The following EPHA5 variants were observed in gnomAD, a reference collection of about 807,000 sequenced individuals.
EPHA5 encodes the protein EPH receptor A5.
A neutral mutation model predicts 105.0 loss-of-function variants in EPHA5; 60 were observed. The observed-to-expected ratio is 0.57, with a 90% confidence interval of 0.46 to 0.71. The LOEUF (loss-of-function observed/expected upper bound fraction) is 0.71, where lower values mean the gene tolerates loss of function less well. Ranked by LOEUF, EPHA5 falls within the 30% of genes least tolerant of loss-of-function variation. The probability of loss-of-function intolerance (pLI) is 0.00; values close to 1 mark genes in which losing one functional copy is unlikely to be tolerated. For synonymous variants in EPHA5, 513 were observed against 449.1 expected (o/e 1.14, Z -1.80); for missense variants, 1,218 against 1,274.7 (o/e 0.96, Z 0.68).
At chr4:65,461,785 C>T (rs909419576) in intron 5 of EPHA5, among the ~76,000 whole-genome samples, 1 of 151,748 alleles carries the variant, frequency 6.6e-6, no homozygotes, top group Non-Finnish European at 1.5e-5. Flanking sequence ...ATGATGTATC[C>T]AAAGAGCTGT....
chr4:65,430,472 T>C (rs2149061486), intron 5 of EPHA5, among the ~76,000 whole-genome samples: 1 of 152,180 alleles, frequency 6.6e-6, no homozygotes, highest in South Asian at 2.1e-4. Context: ...TATGAATACA[T>C]AGATAATGAG....
intron 3 of EPHA5, among the ~76,000 whole-genome samples, chr4:65,540,033 T>C (rs1736667770): frequency 6.6e-6 from 1 of 151,490 alleles, no homozygotes; most frequent in African/African-American, 2.4e-5. Flanking sequence ...ATGATTCTTC[T>C]ACAAGGATGT....
intron 5 of EPHA5, among the ~76,000 whole-genome samples, chr4:65,483,168 TG>T (rs1250227303): frequency 6.6e-6 from 1 of 152,196 alleles, no homozygotes; most frequent in African/African-American, 2.4e-5. Context: ...GCTTCATCCA[TG>T]TCCCTACAAA....
intron 5 of EPHA5, among the ~76,000 whole-genome samples, chr4:65,478,004 C>T (rs533797284): frequency 2.9e-4 from 44 of 152,118 alleles, no homozygotes; most frequent in South Asian, 1.5e-3. Context: ...ATATTCTATC[C>T]CAACCATAAT....
intron 3 of EPHA5, among the ~76,000 whole-genome samples, chr4:65,585,687 A>G (rs1742054110): frequency 6.6e-6 from 1 of 151,900 alleles, no homozygotes; most frequent in Non-Finnish European, 1.5e-5. Flanking sequence ...TTACAGTTAC[A>G]TTTAGCTGTG....
intron 3 of EPHA5, among the ~76,000 whole-genome samples, chr4:65,554,465 C>T (rs1259389927): frequency 6.6e-6 from 1 of 151,010 alleles, no homozygotes; most frequent in African/African-American, 2.4e-5. Flanking sequence ...TAATGTGCTA[C>T]AGTAGTTACA....
chr4:65,399,564 A>T (rs1721608388), intron 8 of EPHA5, among the ~76,000 whole-genome samples: 1 of 152,198 alleles, frequency 6.6e-6, no homozygotes, highest in African/African-American at 2.4e-5. Context: ...AGCATAACAG[A>T]ATTATTCTTC....
intron 14 of EPHA5, among the ~76,000 whole-genome samples, chr4:65,346,229 A>T (rs1185985023): frequency 6.6e-6 from 1 of 151,622 alleles, no homozygotes; most frequent in Non-Finnish European, 1.5e-5. Context: ...ATGCTTTATT[A>T]AGTCTCATTG....
chr4:65,334,491 A>T lies in EPHA5; in HGVS notation c.2789+1441T>A, dbSNP rs115589668. Among the ~76,000 whole-genome samples the T allele has an allele frequency of 4.9e-3, 746 of 152,112 alleles. 6 individuals carry two copies. The highest frequency in any genetic ancestry group is 0.017 in the African/African-American group (701 of 41,544). On this transcript the variant is annotated intron_variant, in intron 15 of 16. Coordinates refer to ENST00000613740, the MANE Select transcript of EPHA5 (RefSeq NM_001281766.3). ...AATCATTGAAGGAGAAAAATTCAAGATATTTAGAGATACTGGAATATCATC... is the reference window on the plus strand; with the variant it reads ...AATCATTGAAGGAGAAAAATTCAAGTTATTTAGAGATACTGGAATATCATC...
chr4:65,510,296 C>T (rs1353436804), intron 3 of EPHA5, among the ~76,000 whole-genome samples: 4 of 151,682 alleles, frequency 2.6e-5, no homozygotes, highest in African/African-American at 9.7e-5. Context: ...CAGCCCACCT[C>T]GGCCTCCCAA....
intron 2 of EPHA5, among the ~76,000 whole-genome samples, chr4:65,624,772 T>C (rs1360979983): frequency 6.6e-6 from 1 of 152,140 alleles, no homozygotes; most frequent in Non-Finnish European, 1.5e-5. Flanking sequence ...GGAACCAAAC[T>C]GTTAGGATTC....
At chr4:65,395,831 C>T (rs1398210661) in intron 8 of EPHA5, among the ~76,000 whole-genome samples, 2 of 152,222 alleles carry the variant, frequency 1.3e-5, no homozygotes, top group Non-Finnish European at 1.5e-5. Context: ...ATTAAACTCA[C>T]ATATAAATAG....
intron 3 of EPHA5, among the ~76,000 whole-genome samples, chr4:65,567,324 G>C (rs556475911): frequency 1.1e-4 from 16 of 151,676 alleles, no homozygotes; most frequent in African/African-American, 3.9e-4. Flanking sequence ...TATATTCTAA[G>C]TTTTAATACT....
chr4:65,652,679 G>A (rs1748713027), intron 1 of EPHA5, among the ~76,000 whole-genome samples: 2 of 152,110 alleles, frequency 1.3e-5, no homozygotes, highest in Middle Eastern at 6.8e-3. Flanking sequence ...AATTTTATGA[G>A]ATCAATTACT....
intron 5 of EPHA5, among the ~76,000 whole-genome samples, chr4:65,438,905 GAGA>G (rs1260815421): frequency 6.6e-6 from 1 of 152,116 alleles, no homozygotes; most frequent in African/African-American, 2.4e-5. Flanking sequence ...CTGAAGTTCT[GAGA>G]AGGTGAATAA....
chr4:65,373,847 A>G (rs1718728965), intron 8 of EPHA5, among the ~76,000 whole-genome samples: 1 of 151,900 alleles, frequency 6.6e-6, no homozygotes, highest in African/African-American at 2.4e-5. Context: ...TAATATGAAG[A>G]CACTGAAAAG....
rs575357052 is a variant in EPHA5, at chr4:65,591,908, T to C, written c.910+9733A>G. On this transcript the variant is annotated intron_variant, in intron 3 of 16. Coordinates refer to ENST00000613740, the MANE Select transcript of EPHA5 (RefSeq NM_001281766.3). ...TTGAGTAAAACTTAAATGAAACGTA[T>C]CTTTTAAAAACATAAAAATTCTTCA... Among the ~76,000 whole-genome samples the C allele has an allele frequency of 3.0e-4, 45 of 152,270 alleles. No homozygotes were observed. The South Asian group carries it at 9.1e-3, about 31-fold the overall frequency.
At chr4:65,380,125 T>G (rs1321745717) in intron 8 of EPHA5, among the ~76,000 whole-genome samples, 3 of 151,818 alleles carry the variant, frequency 2.0e-5, no homozygotes, top group Non-Finnish European at 4.4e-5. Context: ...CAATCTTATC[T>G]GTGAGCTCTG....
intron 3 of EPHA5, among the ~76,000 whole-genome samples, chr4:65,508,752 A>T (rs1340264983): frequency 2.0e-5 from 3 of 152,172 alleles, no homozygotes; most frequent in East Asian, 1.9e-4. Context: ...AGTTTTTTTT[A>T]AAAGCATAGA....
Sources: gnomAD v4.1 joint callset for allele counts (sites outside exome capture counted in the v4.1 genomes callset) on GRCh38, gnomAD v4.1.1 for gene constraint, MANE v1.5 for transcripts, NCBI Gene and HGNC (gene_info 2026-07-23, HGNC 2026-07-21) for gene names.